Variants in PPP2R2B observed in about 807,000 individuals in gnomAD.
The protein encoded by PPP2R2B is protein phosphatase 2 regulatory subunit Bbeta, also known as serine/threonine-protein phosphatase 2A 55 kDa regulatory subunit B beta isoform.
A neutral mutation model predicts 46.0 loss-of-function variants in PPP2R2B; 5 were observed. That is an observed-to-expected ratio of 0.11 (90% CI 0.06 to 0.23). PPP2R2B has a LOEUF of 0.23. Among genes scored for constraint, PPP2R2B ranks in the 10% least tolerant of loss-of-function variants. The probability of loss-of-function intolerance (pLI) is 1.00; values close to 1 mark genes in which losing one functional copy is unlikely to be tolerated. For synonymous variants in PPP2R2B, 215 were observed against 206.7 expected, an observed-to-expected ratio of 1.04 and a Z score of -0.34; for missense variants, 367 against 575.0, an observed-to-expected ratio of 0.64 and a Z score of 3.70.
At chr5:146,626,737 T>A (rs1458770769) in intron 7 of PPP2R2B, among the ~76,000 whole-genome samples, 1 of 152,192 alleles carries the variant, frequency 6.6e-6, no homozygotes, top group Non-Finnish European at 1.5e-5. Context: ...TCTGCATGTC[T>A]TGGGGGCTGC....
At chr5:146,688,952 G>C (rs903943537) in intron 5 of PPP2R2B, among the ~76,000 whole-genome samples, 1 of 152,160 alleles carries the variant, frequency 6.6e-6, no homozygotes, top group African/African-American at 2.4e-5. Flanking sequence ...GCAAAAGACA[G>C]TCTTATTCCC....
intron 2 of PPP2R2B, among the ~76,000 whole-genome samples, chr5:146,782,700 T>G (rs535327530): frequency 2.0e-4 from 31 of 152,346 alleles, no homozygotes; most frequent in African/African-American, 7.2e-4. Flanking sequence ...ATCCATAGTT[T>G]TTCAAGCTAT....
intron 1 of PPP2R2B, among the ~76,000 whole-genome samples, chr5:146,956,951 G>T (rs1751940907): frequency 6.6e-6 from 1 of 152,114 alleles, no homozygotes; most frequent in South Asian, 2.1e-4. Flanking sequence ...ACCTCCCAAA[G>T]GTCCATCTCT....
Position 146,921,396 on chromosome 5 carries a change from A to G in PPP2R2B, c.79+134269T>C, listed in dbSNP as rs577742226. Among the ~76,000 whole-genome samples the G allele has an allele frequency of 5.3e-5, 8 of 152,348 alleles. No homozygotes were observed. The South Asian group carries it at 1.7e-3, about 32-fold the overall frequency. ...ACTCCTTTTGCCACATGGACAGGCAACAACAATTTCATCTCTCATGTGAGG... is the reference window on the plus strand; with the variant it reads ...ACTCCTTTTGCCACATGGACAGGCAGCAACAATTTCATCTCTCATGTGAGG... On this transcript the variant is annotated intron_variant, in intron 1 of 8. Transcript: ENST00000336640.
chr5:147,008,077 G>C (rs1160064861), intron 1 of PPP2R2B, among the ~76,000 whole-genome samples: 1 of 152,134 alleles, frequency 6.6e-6, no homozygotes, highest in Admixed American at 6.5e-5. Context: ...TGAAATAAAT[G>C]AACAGTACCT....
At chr5:146,800,906 G>T (rs1367393935) in intron 2 of PPP2R2B, among the ~76,000 whole-genome samples, 1 of 151,158 alleles carries the variant, frequency 6.6e-6, no homozygotes, top group Admixed American at 6.6e-5. Context: ...AAAATGTGGG[G>T]TATGTGTACA....
chr5:146,731,047 G>A (rs529658247), intron 2 of PPP2R2B, among the ~76,000 whole-genome samples: 1 of 152,260 alleles, frequency 6.6e-6, no homozygotes, highest in Admixed American at 6.5e-5. Context: ...CAGATTAGAT[G>A]TATCTTCCTG....
At chr5:147,077,995 T>G (rs1285551321) in intron 2 of PPP2R2B, among the ~76,000 whole-genome samples, 1 of 152,202 alleles carries the variant, frequency 6.6e-6, no homozygotes, top group Non-Finnish European at 1.5e-5. Context: ...AAACAATGTT[T>G]AAAGAGCAGG....
chr5:146,871,629 TAGG>T (rs1474423231), intron 2 of PPP2R2B, among the ~76,000 whole-genome samples: 3 of 152,192 alleles, frequency 2.0e-5, no homozygotes, highest in African/African-American at 7.2e-5. Context: ...ACTGCTGTGC[TAGG>T]AGAAGATAGA....
chr5:146,885,683 A>G (rs1464478169), intron 1 of PPP2R2B, among the ~76,000 whole-genome samples: 1 of 152,270 alleles, frequency 6.6e-6, no homozygotes, highest in Non-Finnish European at 1.5e-5. Context: ...TTCATGTAGT[A>G]GCATTATTTA....
At chr5:146,984,847 T>C (rs1561556591) in intron 1 of PPP2R2B, among the ~76,000 whole-genome samples, 1 of 152,100 alleles carries the variant, frequency 6.6e-6, no homozygotes, top group Non-Finnish European at 1.5e-5. Context: ...TTTTCATATA[T>C]CTGCTGACTA....
At chr5:146,644,102 T>C (rs1454497101) in intron 6 of PPP2R2B, among the ~76,000 whole-genome samples, 2 of 152,154 alleles carry the variant, frequency 1.3e-5, no homozygotes, top group African/African-American at 2.4e-5. Context: ...GAATTGTTTA[T>C]TGCTAAAGTA....
At chr5:146,838,268 A>C (rs1223716196) in intron 2 of PPP2R2B, among the ~76,000 whole-genome samples, 1 of 152,112 alleles carries the variant, frequency 6.6e-6, no homozygotes. Context: ...GGGATTTCCC[A>C]AGGTTACAGA....
intron 1 of PPP2R2B, among the ~76,000 whole-genome samples, chr5:146,921,908 T>G (rs1763621383): frequency 6.6e-6 from 1 of 152,174 alleles, no homozygotes; most frequent in Admixed American, 6.5e-5. Context: ...CTTGGATGAG[T>G]GCTTTAATTT....
At chr5:146,713,373 A>G (rs1199603074) in intron 2 of PPP2R2B, among the ~76,000 whole-genome samples, 1 of 152,226 alleles carries the variant, frequency 6.6e-6, no homozygotes, top group African/African-American at 2.4e-5. Context: ...CTCTCTTACT[A>G]AAAGTGAAAT....
At chr5:146,810,016 T>C (rs1279400940) in intron 2 of PPP2R2B, among the ~76,000 whole-genome samples, 1 of 152,072 alleles carries the variant, frequency 6.6e-6, no homozygotes, top group Non-Finnish European at 1.5e-5. Context: ...AAATCAGAAA[T>C]CAAAGATGAC....
chr5:146,961,857 G>T (rs1163621780), intron 1 of PPP2R2B, among the ~76,000 whole-genome samples: 1 of 151,670 alleles, frequency 6.6e-6, no homozygotes, highest in Non-Finnish European at 1.5e-5. Flanking sequence ...GATTTTCTAT[G>T]GTGTCCCTAT....
chr5:146,632,854 G>T (rs544832799), intron 7 of PPP2R2B, among the ~76,000 whole-genome samples: 1 of 152,146 alleles, frequency 6.6e-6, no homozygotes, highest in Non-Finnish European at 1.5e-5. Flanking sequence ...TGTATTGGAG[G>T]TGTAGGAAGC....
chr5:147,070,543 G>A (rs556342447), intron 2 of PPP2R2B, among the ~76,000 whole-genome samples: 1 of 152,220 alleles, frequency 6.6e-6, no homozygotes, highest in Non-Finnish European at 1.5e-5. Flanking sequence ...TTTACAAAAA[G>A]GCAAATGCTC....
Sources: allele counts gnomAD v4.1 joint callset (sites outside exome capture counted in the v4.1 genomes callset), GRCh38; gene constraint gnomAD v4.1.1; transcripts MANE v1.5; gene names NCBI Gene and HGNC (gene_info 2026-07-23, HGNC 2026-07-21).